Variants in UNC5D observed in about 807,000 individuals in gnomAD.
The protein encoded by UNC5D is netrin receptor UNC5D.
UNC5D carries 39 observed loss-of-function variants against 105.4 expected under a neutral mutation model. The ratio of observed to expected loss-of-function variants is 0.37; its 90% CI spans 0.29 to 0.48. The LOEUF is 0.48. UNC5D is among the 20% of genes least tolerant of loss of function. The pLI is 0.98. For synonymous variants in UNC5D, 452 were observed against 450.4 expected (o/e 1.00, Z -0.04); for missense variants, 991 against 1,202.4 (o/e 0.82, Z 2.60).
rs138475469 is a variant in UNC5D at position 35,251,473 on chromosome 8, A to G, written c.103+15586A>G. ...AGGTGAGATTTGGGTGGGGACACAG[A>G]CAAACCGTATCACATCCTAAACCCT... On this transcript the variant is annotated intron_variant, in intron 1 of 16. Coordinates refer to ENST00000404895, the MANE Select transcript of UNC5D (RefSeq NM_080872.4). Among the ~76,000 whole-genome samples, 335 of 152,288 alleles carry G rather than the reference A, an allele frequency of 2.2e-3. 3 individuals are homozygous for G. Among genetic ancestry groups the G allele is most frequent in the East Asian group, 0.011 (56 of 5,174 alleles).
chr8:35,570,208 G>A (rs921184759), intron 3 of UNC5D, among the ~76,000 whole-genome samples: 3 of 152,154 alleles, frequency 2.0e-5, no homozygotes, highest in African/African-American at 4.8e-5. Context: ...CATGTCTGAC[G>A]TGTGCCATCA....
chr8:35,779,194 C>G (rs751667953), intron 16 of UNC5D, among the ~76,000 whole-genome samples: 22 of 152,168 alleles, frequency 1.4e-4, no homozygotes, highest in Non-Finnish European at 2.4e-4. Flanking sequence ...CTGGGTAGAA[C>G]TGCGAAATAA....
chr8:35,647,388 TTGTGTGTG>T (rs10630575), intron 4 of UNC5D, among the ~76,000 whole-genome samples: 3 of 147,430 alleles, frequency 2.0e-5, no homozygotes, highest in Non-Finnish European at 3.0e-5. Context: ...TCCTGTGTAT[TTGTGTGTG>T]TGTGTGTGTG....
chr8:35,719,147 C>T (rs1828426648), intron 8 of UNC5D, among the ~76,000 whole-genome samples: 1 of 112,244 alleles, frequency 8.9e-6, no homozygotes. Context: ...CTTATACACA[C>T]ACACACACAC....
intron 1 of UNC5D, among the ~76,000 whole-genome samples, chr8:35,459,374 T>C (rs1291184746): frequency 6.6e-6 from 1 of 152,154 alleles, no homozygotes; most frequent in African/African-American, 2.4e-5. Context: ...CTAATAACAT[T>C]TCAATTTTAA....
intron 4 of UNC5D, among the ~76,000 whole-genome samples, chr8:35,597,304 T>C (rs910470899): frequency 4.6e-5 from 7 of 152,168 alleles, no homozygotes; most frequent in Admixed American, 6.5e-5. Context: ...TTTTATTGAA[T>C]GTCAAACAAA....
intron 16 of UNC5D, among the ~76,000 whole-genome samples, chr8:35,778,792 C>T (rs1176142286): frequency 2.0e-5 from 3 of 152,206 alleles, no homozygotes; most frequent in Admixed American, 2.0e-4. Context: ...TTCTTACTCT[C>T]CTTTTGGTAA....
chr8:35,393,423 G>A (rs530852993), intron 1 of UNC5D, among the ~76,000 whole-genome samples: 17 of 151,754 alleles, frequency 1.1e-4, no homozygotes, highest in African/African-American at 1.7e-4. Flanking sequence ...ATGAGCCACC[G>A]CGCCCGGCCC....
At chr8:35,639,846 G>A (rs552222419) in intron 4 of UNC5D, among the ~76,000 whole-genome samples, 2 of 151,922 alleles carry the variant, frequency 1.3e-5, no homozygotes, top group Non-Finnish European at 2.9e-5. Context: ...TTGAGCTCAA[G>A]CAATCCTTCC....
At chr8:35,366,136 A>T (rs908628108) in intron 1 of UNC5D, among the ~76,000 whole-genome samples, 3 of 152,152 alleles carry the variant, frequency 2.0e-5, no homozygotes, top group Non-Finnish European at 4.4e-5. Flanking sequence ...TGGCCAAAAT[A>T]TAGGCATTCT....
At chr8:35,480,695 G>A (rs1360379013) in intron 1 of UNC5D, among the ~76,000 whole-genome samples, 1 of 152,078 alleles carries the variant, frequency 6.6e-6, no homozygotes, top group Non-Finnish European at 1.5e-5. Context: ...GCAAGTATGG[G>A]ATAGAAAAAA....
At chr8:35,692,007 A>T (rs1219094521) in intron 7 of UNC5D, among the ~76,000 whole-genome samples, 1 of 152,136 alleles carries the variant, frequency 6.6e-6, no homozygotes, top group Non-Finnish European at 1.5e-5. Flanking sequence ...CAGGGGCCTG[A>T]AAGAGGAAGT....
chr8:35,450,456 T>C (rs975632172), intron 1 of UNC5D, among the ~76,000 whole-genome samples: 2 of 152,170 alleles, frequency 1.3e-5, no homozygotes, highest in African/African-American at 4.8e-5. Context: ...TCAAGATTGT[T>C]TTTTTCCTTA....
chr8:35,620,462 T>A (rs150453745), intron 4 of UNC5D, among the ~76,000 whole-genome samples: 11 of 152,284 alleles, frequency 7.2e-5, no homozygotes, highest in Middle Eastern at 3.4e-3. Flanking sequence ...TTGTGTTCTC[T>A]TGGATCACCT....
At chr8:35,453,076 A>G (rs761987892) in intron 1 of UNC5D, among the ~76,000 whole-genome samples, 30 of 152,150 alleles carry the variant, frequency 2.0e-4, no homozygotes, top group Non-Finnish European at 3.5e-4. Context: ...TCAGTAGAAT[A>G]CCCACAGCCT....
At chr8:35,757,775 T>C (rs960986496) in intron 13 of UNC5D, among the ~76,000 whole-genome samples, 1 of 152,174 alleles carries the variant, frequency 6.6e-6, no homozygotes, top group Non-Finnish European at 1.5e-5. Context: ...TTAGAATTAA[T>C]TTCCTATCCT....
intron 1 of UNC5D, among the ~76,000 whole-genome samples, chr8:35,408,441 C>T (rs942627741): frequency 1.3e-5 from 2 of 150,618 alleles, no homozygotes; most frequent in Non-Finnish European, 3.0e-5. Flanking sequence ...TGTAAAAAGT[C>T]CGTTGGAGGA....
At chr8:35,789,396 TA>T (rs924139797) in intron 16 of UNC5D, among the ~76,000 whole-genome samples, 1 of 150,686 alleles carries the variant, frequency 6.6e-6, no homozygotes, top group African/African-American at 2.4e-5. Context: ...TAGGTATAGG[TA>T]GTAAACATGG....
intron 14 of UNC5D, among the ~76,000 whole-genome samples, chr8:35,765,733 C>T (rs1022064569): frequency 2.6e-5 from 4 of 152,186 alleles, no homozygotes; most frequent in Admixed American, 6.5e-5. Context: ...TCATTTCAAT[C>T]GTGCTCTTTT....
Sources: gnomAD v4.1 joint callset for allele counts (sites outside exome capture counted in the v4.1 genomes callset) on GRCh38, gnomAD v4.1.1 for gene constraint, MANE v1.5 for transcripts, NCBI Gene and HGNC (gene_info 2026-07-23, HGNC 2026-07-21) for gene names.